MAF: variants seen among roughly 807,000 people sequenced by gnomAD.
MAF encodes MAF bZIP transcription factor.
A neutral mutation model predicts 22.0 loss-of-function variants in MAF; 10 were observed. That is an observed-to-expected ratio of 0.45 (90% CI 0.28 to 0.77). MAF has a LOEUF of 0.77. Ranked by LOEUF, MAF falls within the 30% of genes least tolerant of loss-of-function variation. The pLI, the probability that MAF is intolerant of heterozygous loss-of-function variation, is 0.12. For missense variants in MAF, 544 were observed against 548.4 expected (o/e 0.99, Z 0.08); for synonymous variants, 337 against 255.8 (o/e 1.32, Z -3.03).
chr16:79,265,150 C>CATTATT, the MAF span, among the ~76,000 whole-genome samples: 2 of 152,040 alleles, frequency 1.3e-5, no homozygotes, highest in Non-Finnish European at 2.9e-5. Context: ...AAATGGAAGT[C>CATTATT]ATTATTATTA....
At chr16:79,462,362 G>C in the MAF span, among the ~76,000 whole-genome samples, 17 of 152,172 alleles carry the variant, frequency 1.1e-4, no homozygotes, top group Non-Finnish European at 2.4e-4. Flanking sequence ...TAGTAGACAA[G>C]ATTTGAACAC....
chr16:79,421,171 C>A, the MAF span, among the ~76,000 whole-genome samples: 1 of 152,102 alleles, frequency 6.6e-6, no homozygotes, highest in Non-Finnish European at 1.5e-5. Flanking sequence ...TATGTACGTA[C>A]AAGAGAAAAC....
the MAF span, chr16:79,212,001 G>T: frequency 6.5e-7 from 1 of 1,533,266 alleles, no homozygotes; most frequent in South Asian, 1.2e-5. Context: ...TTCTGGGGCT[G>T]GGCTAGGCAT....
At chr16:79,305,330 G>A in the MAF span, among the ~76,000 whole-genome samples, 1 of 152,236 alleles carries the variant, frequency 6.6e-6, no homozygotes. Flanking sequence ...CTGCACAGGG[G>A]CACCAGGACT....
At chr16:79,241,062 G>A in the MAF span, among the ~76,000 whole-genome samples, 1 of 152,078 alleles carries the variant, frequency 6.6e-6, no homozygotes, top group Non-Finnish European at 1.5e-5. Flanking sequence ...ACCAAAGGTA[G>A]GTAAATCCAC....
the MAF span, among the ~76,000 whole-genome samples, chr16:79,234,247 A>G: frequency 1.3e-5 from 2 of 152,050 alleles, no homozygotes; most frequent in African/African-American, 4.8e-5. Flanking sequence ...AGCCCTGAAC[A>G]TTCCACACAG....
At chr16:79,391,692 C>T in the MAF span, among the ~76,000 whole-genome samples, 1 of 152,230 alleles carries the variant, frequency 6.6e-6, no homozygotes, top group East Asian at 1.9e-4. Flanking sequence ...CCAGGAGGGG[C>T]TTGATAAAGG....
At chr16:79,256,162 G>A in the MAF span, among the ~76,000 whole-genome samples, 2 of 145,380 alleles carry the variant, frequency 1.4e-5, no homozygotes, top group African/African-American at 5.0e-5. Flanking sequence ...TTTTTTTTTT[G>A]TATTTTTAGT....
At chr16:79,560,710 G>A in the MAF span, among the ~76,000 whole-genome samples, 43 of 152,178 alleles carry the variant, frequency 2.8e-4, no homozygotes, top group South Asian at 7.7e-3. Flanking sequence ...ACAGGAATGA[G>A]CCTAGAAGTC....
the MAF span, among the ~76,000 whole-genome samples, chr16:79,331,687 T>G: frequency 5.9e-5 from 9 of 152,136 alleles, no homozygotes; most frequent in Non-Finnish European, 1.2e-4. Context: ...GGTCTCCAGC[T>G]CTTGGAGAGT....
chr16:79,278,143 G>A, the MAF span, among the ~76,000 whole-genome samples: 997 of 152,318 alleles, frequency 6.5e-3, 13 homozygotes, highest in African/African-American at 0.022. Flanking sequence ...GGACTAGATT[G>A]AGTCGTCCAG....
the MAF span, chr16:79,212,312 A>C: frequency 5.6e-5 from 49 of 870,022 alleles, no homozygotes; most frequent in Non-Finnish European, 8.3e-5. Flanking sequence ...TGGGGAGACA[A>C]ATCTCAGAAC....
chr16:79,206,023 T>C, the MAF span: 1 of 152,234 alleles, frequency 6.6e-6, no homozygotes, highest in Non-Finnish European at 1.5e-5. Context: ...ACGACCTTTT[T>C]AGTAAGGGTC....
chr16:79,491,942 C>T, the MAF span, among the ~76,000 whole-genome samples: 13 of 152,180 alleles, frequency 8.5e-5, no homozygotes, highest in African/African-American at 2.9e-4. Flanking sequence ...GGTCTCCTCT[C>T]CCACTTCTTT....
the MAF span, among the ~76,000 whole-genome samples, chr16:79,421,260 C>A: frequency 1.3e-5 from 2 of 152,288 alleles, no homozygotes; most frequent in Middle Eastern, 3.4e-3. Context: ...TGTGGATAAG[C>A]GCTGGCTGCT....
At chr16:79,372,238 G>C in the MAF span, among the ~76,000 whole-genome samples, 2 of 152,082 alleles carry the variant, frequency 1.3e-5, no homozygotes, top group South Asian at 2.1e-4. Context: ...ACTATTCCTT[G>C]AGCAGAGGGT....
the MAF span, among the ~76,000 whole-genome samples, chr16:79,486,911 T>C: frequency 1.2e-3 from 187 of 152,300 alleles, 1 homozygote; most frequent in Admixed American, 2.0e-3. Context: ...CTCCACCTCC[T>C]ACAAGGTGGA....
At chr16:79,539,959 T>C in the MAF span, among the ~76,000 whole-genome samples, 1 of 152,150 alleles carries the variant, frequency 6.6e-6, no homozygotes, top group Admixed American at 6.5e-5. Context: ...TATGAGATGA[T>C]TTCTGTAACA....
the MAF span, chr16:79,212,241 T>A: frequency 7.4e-7 from 1 of 1,350,366 alleles, no homozygotes. Context: ...CCTTGCTGCA[T>A]TGATCCAGGA....
Sources: gnomAD v4.1 joint callset for allele counts (sites outside exome capture counted in the v4.1 genomes callset) on GRCh38, gnomAD v4.1.1 for gene constraint, MANE v1.5 for transcripts, NCBI Gene and HGNC (gene_info 2026-07-23, HGNC 2026-07-21) for gene names.